The following ANXA13 variants were observed in gnomAD, a reference collection of about 807,000 sequenced individuals.
ANXA13 encodes annexin A13, also known as annexin XIII.
Under a neutral mutation model 46.6 loss-of-function variants are expected in ANXA13, and 36 were observed. The observed-to-expected ratio is 0.77, with a 90% confidence interval of 0.59 to 1.02. The LOEUF (loss-of-function observed/expected upper bound fraction) is 1.02, where lower values mean the gene tolerates loss of function less well. Ranked by LOEUF, ANXA13 falls within the 50% of genes least tolerant of loss-of-function variation. The pLI is 0.00. For synonymous variants in ANXA13, 163 were observed against 152.9 expected, an observed-to-expected ratio of 1.07 and a Z score of -0.49; for missense variants, 417 against 396.5, an observed-to-expected ratio of 1.05 and a Z score of -0.44.
At chr8:123,692,823 A>G (rs6470172) in intron 8 of ANXA13, among the ~76,000 whole-genome samples, 114,675 of 151,962 alleles carry the variant, frequency 0.75, 44,204 homozygotes, top group African/African-American at 0.86. Flanking sequence ...TTGCACCTGG[A>G]CTCTTGGACT....
At chr8:123,696,940 C>T (rs960708644) in intron 4 of ANXA13, among the ~76,000 whole-genome samples, 21 of 152,320 alleles carry the variant, frequency 1.4e-4, no homozygotes, top group African/African-American at 3.6e-4. Context: ...GACGAAGTCT[C>T]GCTCTGTCGC....
At chr8:123,715,565 CAG>C (rs1813743859) in intron 1 of ANXA13, among the ~76,000 whole-genome samples, 1 of 152,212 alleles carries the variant, frequency 6.6e-6, no homozygotes, top group Admixed American at 6.5e-5. Flanking sequence ...TGCGCTGAAA[CAG>C]AGATGCAGGG....
chr8:123,705,798 T>C (rs1813527319), intron 2 of ANXA13, among the ~76,000 whole-genome samples: 1 of 151,808 alleles, frequency 6.6e-6, no homozygotes, highest in East Asian at 1.9e-4. Flanking sequence ...GGATGGGAAA[T>C]GAATGGAGGG....
chr8:123,719,421 G>A (rs1409740652), intron 1 of ANXA13, among the ~76,000 whole-genome samples: 1 of 152,084 alleles, frequency 6.6e-6, no homozygotes. Context: ...CACTACCCCA[G>A]TTGAAGTTGA....
intron 2 of ANXA13, 54 bp downstream of exon 2, chr8:123,712,624 A>C: frequency 6.7e-7 from 1 of 1,503,286 alleles, no homozygotes; most frequent in South Asian, 1.1e-5. Context: ...GTTGGACATG[A>C]GACCAAGTTT....
intron 9 of ANXA13, among the ~76,000 whole-genome samples, chr8:123,688,387 A>G (rs1163703596): frequency 1.3e-5 from 2 of 152,152 alleles, no homozygotes; most frequent in Non-Finnish European, 1.5e-5. Flanking sequence ...TGAGTCCATT[A>G]AGCATCTTTT....
chr8:123,696,612 G>A (rs796426865), intron 4 of ANXA13, among the ~76,000 whole-genome samples: 33 of 152,178 alleles, frequency 2.2e-4, no homozygotes, highest in African/African-American at 7.9e-4. Context: ...GTGATTGGGA[G>A]AAGGTGGTGA....
rs183779795 is a variant in ANXA13, at chr8:123,698,366, T to A, written c.357+23A>T. On this transcript the variant is annotated intron_variant, in intron 4 of 10. Coordinates refer to ENST00000419625, the MANE Select transcript of ANXA13 (RefSeq NM_004306.4). ...TCTCTATTGGGTGTGTGATGCTCCC[T>A]TGCGGGCTCAGCTGGGACTGACCTT... 5 of 1,611,986 alleles carry A rather than the reference T, an allele frequency of 3.1e-6. No individual in the cohort carries two copies. In the East Asian group the frequency reaches 1.1e-4, roughly 36 times the overall value.
chr8:123,733,259 G>A (rs992036034), intron 1 of ANXA13, among the ~76,000 whole-genome samples: 15 of 152,014 alleles, frequency 9.9e-5, no homozygotes, highest in Non-Finnish European at 2.1e-4. Flanking sequence ...CTTTTGAAAT[G>A]ATCTAGACTG....
intron 1 of ANXA13, among the ~76,000 whole-genome samples, chr8:123,732,434 T>C (rs1814136367): frequency 6.6e-6 from 1 of 152,184 alleles, no homozygotes; most frequent in Admixed American, 6.5e-5. Context: ...CGTTTAAACT[T>C]CCAGTTACAA....
At position 123,698,577 on chromosome 8, in the gene ANXA13, G is replaced by T; in HGVS notation, c.187-18C>A. On this transcript the variant is annotated intron_variant, in intron 3 of 10. Transcript: ENST00000419625. ...TCCAGCTCCTACCAGAAGACAGTGA[G>T]AGACGTGCTGGGAATGGCCCAGGAG... is the stretch of plus-strand genomic sequence containing the variant. 1 of 1,612,852 alleles carries T rather than the reference G, an allele frequency of 6.2e-7. No individual in the cohort carries two copies. The highest frequency in any genetic ancestry group is 1.1e-5 in the South Asian group (1 of 90,982).
At chr8:123,715,124 G>T (rs952810513) in intron 1 of ANXA13, among the ~76,000 whole-genome samples, 3 of 152,196 alleles carry the variant, frequency 2.0e-5, no homozygotes, top group African/African-American at 7.2e-5. Flanking sequence ...GCTTTTGTAG[G>T]CTTGTTGGCA....
At chr8:123,717,217 A>G (rs1813772756) in intron 1 of ANXA13, among the ~76,000 whole-genome samples, 1 of 152,164 alleles carries the variant, frequency 6.6e-6, no homozygotes, top group African/African-American at 2.4e-5. Context: ...CCTCTAAGCT[A>G]CCATTTCCTC....
At position 123,693,698 on chromosome 8, in the gene ANXA13, T is replaced by C; in HGVS notation, c.540+13A>G. 6.2e-7 allele frequency: 1 copy of C among 1,608,100 alleles called. No homozygotes were observed. The highest frequency in any genetic ancestry group is 8.5e-7 in the Non-Finnish European group (1 of 1,177,424). On this transcript the variant is annotated intron_variant, in intron 7 of 10. Coordinates refer to ENST00000419625, the MANE Select transcript of ANXA13 (RefSeq NM_004306.4). Reference sequence around the variant, plus strand: ...AAAAGAATTTGCAGAGACTGGCATGTCTGCACACATACATCATACAGATCT... The same window carrying C: ...AAAAGAATTTGCAGAGACTGGCATGCCTGCACACATACATCATACAGATCT...
intron 3 of ANXA13, among the ~76,000 whole-genome samples, chr8:123,701,753 CT>C (rs11312821): frequency 0.33 from 49,569 of 149,090 alleles, 8,781 homozygotes; most frequent in South Asian, 0.48. Context: ...TCCTGGTTCT[CT>C]TTTTTTTTTT....
At chr8:123,697,406 T>TAG (rs1813361337) in intron 4 of ANXA13, among the ~76,000 whole-genome samples, 1 of 152,092 alleles carries the variant, frequency 6.6e-6, no homozygotes, top group African/African-American at 2.4e-5. Flanking sequence ...CATCCCAACC[T>TAG]GAGACTCCTT....
At chr8:123,703,806 T>C (rs1446957760) in intron 2 of ANXA13, among the ~76,000 whole-genome samples, 1 of 152,058 alleles carries the variant, frequency 6.6e-6, no homozygotes, top group Non-Finnish European at 1.5e-5. Flanking sequence ...AAAACTATAG[T>C]GAATAAGAAA....
rs983329021 is a variant in ANXA13, at chr8:123,737,378, C to T, written c.-44G>A. The T allele has an allele frequency of 1.9e-6, 3 of 1,561,260 alleles. No homozygotes were observed. In the African/African-American group the frequency reaches 4.2e-5, roughly 22 times the overall value. ...GTTTTTCTGTATTTCATCAAGAGAT[C>T]AGTCCTCCTACAGGCAAAGTTTACA... On this transcript the variant is annotated 5_prime_UTR_variant, in exon 1 of 11. Coordinates refer to ENST00000419625, the MANE Select transcript of ANXA13 (RefSeq NM_004306.4).
At chr8:123,702,196 TG>T (rs112861498) in intron 3 of ANXA13, among the ~76,000 whole-genome samples, 6,035 of 152,078 alleles carry the variant, frequency 0.04, 142 homozygotes, top group Middle Eastern at 0.092. Context: ...ATAAAAAGAA[TG>T]AAAGAAAAGA....
Sources: gnomAD v4.1 joint callset for allele counts (sites outside exome capture counted in the v4.1 genomes callset) on GRCh38, gnomAD v4.1.1 for gene constraint, MANE v1.5 for transcripts, NCBI Gene and HGNC (gene_info 2026-07-23, HGNC 2026-07-21) for gene names.